EXD2: variants seen among roughly 807,000 people sequenced by gnomAD.
EXD2 encodes exonuclease 3'-5' domain-containing protein 2.
Under a neutral mutation model 62.5 loss-of-function variants are expected in EXD2, and 40 were observed. That is an observed-to-expected ratio of 0.64 (90% CI 0.50 to 0.83). EXD2 has a LOEUF of 0.83. EXD2 is among the 40% of genes least tolerant of loss of function. EXD2 has a pLI of 0.00. For missense variants in EXD2, 671 were observed against 761.8 expected, an observed-to-expected ratio of 0.88 and a Z score of 1.40; for synonymous variants, 239 against 291.9, an observed-to-expected ratio of 0.82 and a Z score of 1.85.
chr14:69,215,479 T>C (rs1366507417), intron 3 of EXD2, among the ~76,000 whole-genome samples: 1 of 152,244 alleles, frequency 6.6e-6, no homozygotes, highest in Non-Finnish European at 1.5e-5. Flanking sequence ...TTTTAACTTT[T>C]ATAGATGATG....
rs776194325 is a variant in EXD2 at position 69,209,578 on chromosome 14, G to A, written c.108G>A (p.Thr36=). 1.1e-5 allele frequency: 17 copies of A among 1,550,510 alleles called. No homozygotes were observed. The South Asian group carries it at 1.7e-4, about 15-fold the overall frequency. Residue 36 remains threonine, a synonymous_variant, in exon 3 of 10, where the codon ACG becomes ACA. Transcript: ENST00000685843. ...KGIQRRRRSK[T]SPVTQQPQQK... is the part of the protein sequence containing the mutation. ...TCCAGCGCCGCCGAAGGAGTAAAAC[G>A]AGTCCTGTGACCCAACAGCCACAGC...
rs2044019459 is a variant in EXD2 at position 69,243,020 on chromosome 14, A to G, written c.*1920A>G. On this transcript the variant is annotated 3_prime_UTR_variant, in exon 10 of 10. Transcript: ENST00000685843. ...TAAGGTCATTTAAGGTGCTAGGGAA[A>G]GGGTTTTCCCATGGAGCTTTCTGTG... The G allele has an allele frequency of 6.6e-6, 1 of 152,210 alleles. No individual in the cohort carries two copies. Among genetic ancestry groups the G allele is most frequent in the Non-Finnish European group, 1.5e-5 (1 of 68,036 alleles). The allele number at this position is 152,210 out of a possible 1,614,324, so 9.4% of individuals were successfully genotyped here.
In EXD2 at chr14:69,240,007, G is replaced by A. The variant is rs552541503; in HGVS notation, c.1650-877G>A. ...AGATGAATGCTGGACTTGTGACTGA[G>A]AAGAACAGTTGTTTGGAGACAGGCA... is the stretch of plus-strand genomic sequence containing the variant. On this transcript the variant is annotated intron_variant, in intron 9 of 9. Transcript: ENST00000685843. 3.4e-4 allele frequency among the ~76,000 whole-genome samples: 52 copies of A among 152,342 alleles called. 1 individual carries two copies. The South Asian group carries it at 0.011, about 32-fold the overall frequency.
intron 1 of EXD2, among the ~76,000 whole-genome samples, chr14:69,193,279 A>G (rs6573877): frequency 0.68 from 103,871 of 151,940 alleles, 36,179 homozygotes; most frequent in East Asian, 1. Context: ...GGCTGGTCTC[A>G]AACTCCTAAA....
chr14:69,206,557 G>A (rs1309819384), intron 2 of EXD2, among the ~76,000 whole-genome samples: 2 of 142,920 alleles, frequency 1.4e-5, no homozygotes, highest in African/African-American at 5.3e-5. Flanking sequence ...ACAGCTTCCT[G>A]TAGCCTTGAC....
chr14:69,234,886 GA>G lies in EXD2; in HGVS notation c.906del (p.Glu303ArgfsTer86). ...FRSKGMSRLG[E>X]EVNGEATESQ... ...AAGCAAAGGAATGAGCAGATTGGGA[GA>G]AGAGGTTAATGGGGAAGCAACAGAA... On this transcript the variant is annotated frameshift_variant, in exon 6 of 10. Coordinates refer to ENST00000685843, the MANE Select transcript of EXD2 (RefSeq NM_001193360.2). LOFTEE classifies it high-confidence loss of function. 1 of 1,614,228 alleles carries G rather than the reference GA, an allele frequency of 6.2e-7. No individual in the cohort carries two copies. Among genetic ancestry groups the G allele is most frequent in the South Asian group, 1.1e-5 (1 of 91,080 alleles).
chr14:69,240,093 C>T (rs763745032), intron 9 of EXD2, among the ~76,000 whole-genome samples: 6 of 152,118 alleles, frequency 3.9e-5, no homozygotes, highest in African/African-American at 9.7e-5. Context: ...TACCCAGAGA[C>T]GCCAACACTG....
At chr14:69,235,999 C>A in intron 6 of EXD2, 47 bp from the exon 7 acceptor site, 1 of 1,438,632 alleles carries the variant, frequency 7.0e-7, no homozygotes, top group Non-Finnish European at 9.8e-7. Flanking sequence ...GACATTTTGA[C>A]CCACAGTTAG....
intron 1 of EXD2, among the ~76,000 whole-genome samples, chr14:69,192,812 A>G (rs1959172387): frequency 6.6e-6 from 1 of 152,164 alleles, no homozygotes; most frequent in Non-Finnish European, 1.5e-5. Context: ...CTAGAGATCT[A>G]CCTATTCTTT....
At chr14:69,196,492 T>A (rs886073796) in intron 1 of EXD2, among the ~76,000 whole-genome samples, 2 of 152,248 alleles carry the variant, frequency 1.3e-5, no homozygotes, top group African/African-American at 4.8e-5. Context: ...TTCATTTCCC[T>A]TGGGTATATA....
Position 69,235,034 on chromosome 14 carries a change from A to G in EXD2, c.1049+3A>G, listed in dbSNP as rs764241699. ...CTGGGGGTGGGCTATTCTGCCAGGT[A>G]ACTGAATCACTCCCTGTCTAGTAAA... On this transcript the variant is annotated splice_donor_region_variant and intron_variant, in intron 6 of 9. Coordinates refer to ENST00000685843, the MANE Select transcript of EXD2 (RefSeq NM_001193360.2). The G allele has an allele frequency of 1.1e-5, 17 of 1,578,778 alleles. No homozygotes were observed. Among genetic ancestry groups the G allele is most frequent in the Non-Finnish European group, 1.5e-5 (17 of 1,166,064 alleles).
At chr14:69,201,672 G>GTTTTTTTTTT (rs71102634) in intron 1 of EXD2, among the ~76,000 whole-genome samples, 2 of 59,022 alleles carry the variant, frequency 3.4e-5, no homozygotes, top group Non-Finnish European at 6.0e-5. Flanking sequence ...TGTTTTCTCT[G>GTTTTTTTTTT]TTTTTTTTTT....
chr14:69,243,547 ATC>A lies in EXD2; in HGVS notation c.*2448_*2449del. 6.6e-6 allele frequency: 1 copy of A among 152,328 alleles called. No individual in the cohort carries two copies. The highest frequency in any genetic ancestry group is 2.4e-5 in the African/African-American group (1 of 41,584). The allele number at this position is 152,328 out of a possible 1,614,324, so 9.4% of individuals were successfully genotyped here. ...AATAGATTTCTAGTGGTTCTACCTT[ATC>A]CATCCCCACACTGTTGAAAATTTTG... is the stretch of plus-strand genomic sequence containing the variant. On this transcript the variant is annotated 3_prime_UTR_variant, in exon 10 of 10. Transcript: ENST00000685843.
At position 69,228,746 on chromosome 14, in the gene EXD2, G is replaced by T; in HGVS notation, c.334-70G>T. The T allele has an allele frequency of 1.0e-5, 16 of 1,526,096 alleles. No individual in the cohort carries two copies. The Admixed American group carries it at 1.7e-4, about 16-fold the overall frequency. 94.5% of individuals were successfully genotyped at this position (1,526,096 alleles called of 1,614,324 possible). A position where few individuals can be genotyped will look rare whatever the true frequency, so the allele number is the denominator to read the frequency against. ...AAGGATGTACCTCTTAGACTTTTTT[G>T]TCACAGTTATATGTTATGCTCGCTG... On this transcript the variant is annotated intron_variant, in intron 3 of 9. Transcript: ENST00000685843.
In EXD2 at chr14:69,208,234, G is replaced by A. The variant is rs867048046; in HGVS notation, c.-47-1190G>A. Among the ~76,000 whole-genome samples, 18 of 106,228 alleles carry A rather than the reference G, an allele frequency of 1.7e-4. No homozygotes were observed. In the South Asian group the frequency reaches 4.6e-3, roughly 27 times the overall value. 69.7% of individuals were successfully genotyped at this position (106,228 alleles called of 152,430 possible). A position where few individuals can be genotyped will look rare whatever the true frequency, so the allele number is the denominator to read the frequency against. ...TATTTTTTTTTTTTTTTTTTGAGAC[G>A]GAGTCTCACTCTGTCACCCAGACTG... is the stretch of plus-strand genomic sequence containing the variant. On this transcript the variant is annotated intron_variant, in intron 2 of 9. Coordinates refer to ENST00000685843, the MANE Select transcript of EXD2 (RefSeq NM_001193360.2).
Position 69,234,986 on chromosome 14 carries a change from C to G in EXD2, c.1004C>G (p.Pro335Arg), listed in dbSNP as rs1394912469. The part of the protein sequence containing the change: ...MVPGNHQGRD[P>R]RKHKRKPLGV... ...CCAGGCAACCACCAAGGGAGAGACC[C>G]CAGAAAACATAAAAGAAAGCCTCTG... The change falls in exon 6 of 10, where the codon CCC becomes CGC. Residue 335 changes from proline to arginine, a missense_variant. By Grantham distance (103) the Pro-to-Arg change is moderately radical. Coordinates refer to ENST00000685843, the MANE Select transcript of EXD2 (RefSeq NM_001193360.2). The G allele has an allele frequency of 6.2e-7, 1 of 1,608,748 alleles. No individual in the cohort carries two copies. Among genetic ancestry groups the G allele is most frequent in the East Asian group, 2.2e-5 (1 of 44,806 alleles).
intron 9 of EXD2, 77 bp downstream of exon 9, chr14:69,238,008 G>A: frequency 3.0e-6 from 4 of 1,334,434 alleles, no homozygotes; most frequent in South Asian, 1.4e-5. Flanking sequence ...GCCAGGGAGG[G>A]GGCATTGGCT....
At chr14:69,200,709 CA>C (rs34362953) in intron 1 of EXD2, among the ~76,000 whole-genome samples, 108,492 of 145,718 alleles carry the variant, frequency 0.74, 40,851 homozygotes, top group East Asian at 0.94. Flanking sequence ...ACCTTGTCTC[CA>C]AAAAAAAAAA....
At chr14:69,209,902 G>C (rs1405363352) in intron 3 of EXD2, 99 bp downstream of exon 3, 1 of 995,212 alleles carries the variant, frequency 1.0e-6, no homozygotes, top group Non-Finnish European at 1.4e-6. Context: ...GGTTAAAGGA[G>C]AATGAATTAG....
Sources: gnomAD v4.1 joint callset for allele counts (sites outside exome capture counted in the v4.1 genomes callset) on GRCh38, gnomAD v4.1.1 for gene constraint, MANE v1.5 for transcripts, NCBI Gene and HGNC (gene_info 2026-07-23, HGNC 2026-07-21) for gene names.